CNTLN: variants seen among roughly 807,000 people sequenced by gnomAD.
CNTLN encodes centlein, also known as centlein, centrosomal protein.
In CNTLN, 212 loss-of-function variants were observed where a neutral mutation model predicts 180.0. The observed-to-expected ratio is 1.18, with a 90% CI of 1.05 to 1.32. The LOEUF (loss-of-function observed/expected upper bound fraction) is 1.32. CNTLN is among the 40% of genes most tolerant of loss of function. The probability of loss-of-function intolerance (pLI) is 0.00; values close to 1 mark genes in which losing one functional copy is unlikely to be tolerated. For missense variants in CNTLN, 2,095 were observed against 1,610.9 expected (o/e 1.30, Z -5.14); for synonymous variants, 722 against 563.1 (o/e 1.28, Z -3.99).
intron 25 of CNTLN, among the ~76,000 whole-genome samples, chr9:17,487,936 G>T (rs1280888708): frequency 6.6e-6 from 1 of 152,002 alleles, no homozygotes; most frequent in East Asian, 1.9e-4. Flanking sequence ...TTTCATTATA[G>T]TTCTTTCGGC....
chr9:17,147,358 C>A (rs541532230), intron 2 of CNTLN, among the ~76,000 whole-genome samples: 4 of 152,276 alleles, frequency 2.6e-5, no homozygotes, highest in African/African-American at 9.6e-5. Context: ...CTGTTCTGAA[C>A]ATGGATGAGT....
chr9:17,434,174 T>C (rs1473363922), intron 18 of CNTLN, among the ~76,000 whole-genome samples: 1 of 152,148 alleles, frequency 6.6e-6, no homozygotes, highest in Non-Finnish European at 1.5e-5. Context: ...AACAATTTAG[T>C]TGATTTTTCA....
At chr9:17,365,762 T>C (rs752127240) in intron 12 of CNTLN, among the ~76,000 whole-genome samples, 7 of 152,132 alleles carry the variant, frequency 4.6e-5, no homozygotes, top group Non-Finnish European at 1.0e-4. Flanking sequence ...GAGTTCAGCC[T>C]ATGCAACTTG....
chr9:17,268,447 C>T (rs981722343), intron 5 of CNTLN, among the ~76,000 whole-genome samples: 1 of 152,182 alleles, frequency 6.6e-6, no homozygotes, highest in African/African-American at 2.4e-5. Flanking sequence ...TCAGTCTGCC[C>T]CTACTGGGGG....
At chr9:17,335,179 CA>C (rs1820922735) in intron 10 of CNTLN, among the ~76,000 whole-genome samples, 1 of 152,140 alleles carries the variant, frequency 6.6e-6, no homozygotes, top group Non-Finnish European at 1.5e-5. Context: ...GCTTTTAGTT[CA>C]GCTTATTCTC....
At chr9:17,470,575 G>C (rs1176137114) in intron 23 of CNTLN, among the ~76,000 whole-genome samples, 3 of 151,852 alleles carry the variant, frequency 2.0e-5, no homozygotes, top group Non-Finnish European at 4.4e-5. Flanking sequence ...GCCCTGGGGT[G>C]AAATCAAGTA....
At chr9:17,507,023 A>G (rs961071233), downstream of CNTLN, among the ~76,000 whole-genome samples, 4 of 152,146 alleles carry the variant, frequency 2.6e-5, no homozygotes, top group African/African-American at 4.8e-5. Flanking sequence ...TTCAGTGGGT[A>G]CGTGTGTAGG....
intron 2 of CNTLN, among the ~76,000 whole-genome samples, chr9:17,144,237 T>A (rs1818294371): frequency 6.6e-6 from 1 of 152,230 alleles, no homozygotes; most frequent in South Asian, 2.1e-4. Flanking sequence ...AATTTTACCA[T>A]CTTTGGTTAT....
intron 25 of CNTLN, among the ~76,000 whole-genome samples, chr9:17,496,914 T>G (rs1423396992): frequency 6.6e-6 from 1 of 152,144 alleles, no homozygotes; most frequent in Admixed American, 6.5e-5. Flanking sequence ...TGAATACCAG[T>G]ATTAAGATGT....
At chr9:17,495,472 A>C (rs1350419714) in intron 25 of CNTLN, among the ~76,000 whole-genome samples, 2 of 152,184 alleles carry the variant, frequency 1.3e-5, no homozygotes, top group African/African-American at 4.8e-5. Context: ...AAATAAAAAA[A>C]TACAAAATTA....
chr9:17,195,612 T>C (rs1822079133), intron 2 of CNTLN, among the ~76,000 whole-genome samples: 1 of 152,194 alleles, frequency 6.6e-6, no homozygotes, highest in Non-Finnish European at 1.5e-5. Context: ...TAATTCAAAA[T>C]TATTTACTGA....
At chr9:17,148,084 G>A (rs1320799589) in intron 2 of CNTLN, among the ~76,000 whole-genome samples, 1 of 152,168 alleles carries the variant, frequency 6.6e-6, no homozygotes, top group East Asian at 1.9e-4. Context: ...TGCAAAGACA[G>A]AGAGAATACA....
the CNTLN span, among the ~76,000 whole-genome samples, chr9:17,523,048 A>G: frequency 2.9e-3 from 439 of 152,268 alleles, 1 homozygote; most frequent in African/African-American, 1.0e-2. Flanking sequence ...GATAGGTTGG[A>G]AACCTTTAGA....
chr9:17,261,204 G>C (rs1214880460), intron 5 of CNTLN, among the ~76,000 whole-genome samples: 1 of 151,348 alleles, frequency 6.6e-6, no homozygotes. Flanking sequence ...TTGTAATTCT[G>C]TCAAAAGTGA....
rs1826354063 is a variant in CNTLN, at chr9:17,394,606, T to A, written c.2152T>A (p.Leu718Ile). ...AAAATTAAAAGAAGGGAATAAAAAA[T>A]TAATGAAAGAAAATGATTTTCTGAA... ...SRKLKEGNKK[L>I]MKENDFLKSL... is the part of the protein sequence containing the mutation. The change falls in exon 15 of 26, where the codon TTA becomes ATA. Residue 718 changes from leucine to isoleucine, a missense_variant. Leu to Ile is a conservative substitution (Grantham distance 5). Transcript: ENST00000380647. The A allele has an allele frequency of 1.9e-6, 3 of 1,596,200 alleles. No homozygotes were observed. The South Asian group carries it at 3.5e-5, about 19-fold the overall frequency.
intron 18 of CNTLN, among the ~76,000 whole-genome samples, chr9:17,433,641 T>C (rs1418780964): frequency 3.3e-5 from 5 of 152,088 alleles, no homozygotes; most frequent in Non-Finnish European, 7.4e-5. Context: ...TTTTTTGTTG[T>C]TGTTGAGACA....
chr9:17,136,770 A>G (rs970622506), intron 1 of CNTLN, among the ~76,000 whole-genome samples: 2 of 152,230 alleles, frequency 1.3e-5, no homozygotes, highest in South Asian at 4.1e-4. Flanking sequence ...TCGTTTTACC[A>G]TTTTTCTGTT....
intron 20 of CNTLN, among the ~76,000 whole-genome samples, chr9:17,463,587 T>G (rs923315613): frequency 6.6e-6 from 1 of 151,652 alleles, no homozygotes; most frequent in African/African-American, 2.4e-5. Flanking sequence ...TTGAGATATA[T>G]GTATCTCACA....
At chr9:17,367,331 C>T (rs968237012) in intron 13 of CNTLN, among the ~76,000 whole-genome samples, 1 of 152,208 alleles carries the variant, frequency 6.6e-6, no homozygotes, top group Admixed American at 6.5e-5. Flanking sequence ...GACAATCACC[C>T]ATCCCAGTGG....
Sources: allele counts gnomAD v4.1 joint callset (sites outside exome capture counted in the v4.1 genomes callset), GRCh38; gene constraint gnomAD v4.1.1; transcripts MANE v1.5; gene names NCBI Gene and HGNC (gene_info 2026-07-23, HGNC 2026-07-21).